FANCL: variants seen among roughly 807,000 people sequenced by gnomAD.
FANCL encodes the protein FA complementation group L, also known as E3 ubiquitin-protein ligase FANCL.
A neutral mutation model predicts 59.4 loss-of-function variants in FANCL; 69 were observed. That is an observed-to-expected ratio of 1.16 (90% CI 0.96 to 1.42). The LOEUF (loss-of-function observed/expected upper bound fraction) is 1.42, where lower values mean the gene tolerates loss of function less well. Ranked by LOEUF, FANCL falls within the 40% of genes most tolerant of loss-of-function variation. The pLI, the probability that FANCL is intolerant of heterozygous loss-of-function variation, is 0.00. For synonymous variants in FANCL, 180 were observed against 147.1 expected (o/e 1.22, Z -1.62); for missense variants, 519 against 447.2 (o/e 1.16, Z -1.45).
intron 1 of FANCL, among the ~76,000 whole-genome samples, chr2:58,234,681 A>C (rs1280907192): frequency 6.6e-6 from 1 of 152,094 alleles, no homozygotes; most frequent in Non-Finnish European, 1.5e-5. Context: ...AACTCTTGAG[A>C]TATATCTTAA....
At chr2:58,176,653 G>A (rs549271716) in intron 7 of FANCL, among the ~76,000 whole-genome samples, 12 of 152,142 alleles carry the variant, frequency 7.9e-5, no homozygotes, top group Non-Finnish European at 1.3e-4. Context: ...AGACTTAAAC[G>A]TTAGACCTAA....
At position 58,219,171 on chromosome 2, in the gene FANCL, AATATATATAT is replaced by A. The variant is rs869094167; in HGVS notation, c.374+2761_374+2770del. 4.1e-3 allele frequency among the ~76,000 whole-genome samples: 79 copies of A among 19,246 alleles called. 2 individuals carry two copies. Among genetic ancestry groups the A allele is most frequent in the African/African-American group, 0.016 (62 of 3,782 alleles). The allele number at this position is 19,246 out of a possible 152,430, so 12.6% of individuals were successfully genotyped here. ...AAAAAAAAAAAAAAAAAAAAAAAAA[AATATATATAT>A]ATATATATATATATATATATATATC... On this transcript the variant is annotated intron_variant, in intron 5 of 13. Transcript: ENST00000233741.
chr2:58,226,823 T>C, intron 3 of FANCL, 39 bp from the exon 4 acceptor site: 2 of 1,544,028 alleles, frequency 1.3e-6, no homozygotes, highest in South Asian at 1.1e-5. Context: ...ATTTGCACAA[T>C]AAATATTCTA....
intron 7 of FANCL, among the ~76,000 whole-genome samples, chr2:58,192,879 A>C (rs1428131709): frequency 6.6e-6 from 1 of 151,974 alleles, no homozygotes; most frequent in Non-Finnish European, 1.5e-5. Flanking sequence ...AACAACAAAA[A>C]ACCTTGCAAA....
intron 5 of FANCL, among the ~76,000 whole-genome samples, chr2:58,219,171 AATATATATATATATAT>A (rs869094167): frequency 8.3e-4 from 16 of 19,262 alleles, no homozygotes; most frequent in African/African-American, 3.4e-3. Flanking sequence ...AAAAAAAAAA[AATATATATATATATAT>A]ATATATATAT....
intron 4 of FANCL, among the ~76,000 whole-genome samples, chr2:58,224,508 T>G (rs1215680212): frequency 6.6e-6 from 1 of 151,816 alleles, no homozygotes; most frequent in East Asian, 1.9e-4. Flanking sequence ...ATCTCACACA[T>G]TTAATCAAAG....
Position 58,229,876 on chromosome 2 carries a change from T to G in FANCL, c.156-2A>C, listed in dbSNP as rs1377750437. 1 of 1,603,668 alleles carries G rather than the reference T, an allele frequency of 6.2e-7. No homozygotes were observed. Among genetic ancestry groups the G allele is most frequent in the South Asian group, 1.1e-5 (1 of 90,876 alleles). ...CTCAGCTGCCAACTACATAATAATC[T>G]AAAATTTTAATGAGACAAAATGGTT... On this transcript the variant is annotated splice_acceptor_variant, in intron 2 of 13. Coordinates refer to ENST00000233741, the MANE Select transcript of FANCL (RefSeq NM_018062.4). LOFTEE classifies it high-confidence loss of function.
intron 7 of FANCL, among the ~76,000 whole-genome samples, chr2:58,175,828 A>C (rs1297820761): frequency 1.3e-5 from 2 of 151,740 alleles, no homozygotes; most frequent in Non-Finnish European, 3.0e-5. Context: ...AATTAGGAAA[A>C]GAGGAAGTCA....
chr2:58,218,000 G>A (rs1399452378), intron 5 of FANCL, among the ~76,000 whole-genome samples: 1 of 151,962 alleles, frequency 6.6e-6, no homozygotes, highest in Non-Finnish European at 1.5e-5. Context: ...TTAAAAGGAT[G>A]ATTTCTGACA....
chr2:58,232,093 C>A lies in FANCL; in HGVS notation c.116G>T (p.Arg39Met), dbSNP rs762249762. ...TTGTAAATCTTCAGGCAACACTATC[C>A]TAAGGTGGAAGTCTCTTCCCTGTGG... is the stretch of plus-strand genomic sequence containing the variant. ...ISAQGRDFHL[R>M]IVLPEDLQLK... The change falls in exon 2 of 14, where the codon AGG becomes ATG. Residue 39 changes from arginine to methionine, a missense_variant. Arg to Met is a moderately conservative substitution (Grantham distance 91, BLOSUM62 -1). Coordinates refer to ENST00000233741, the MANE Select transcript of FANCL (RefSeq NM_018062.4). The A allele has an allele frequency of 6.2e-7, 1 of 1,613,260 alleles. No homozygotes were observed. Among genetic ancestry groups the A allele is most frequent in the Non-Finnish European group, 8.5e-7 (1 of 1,179,466 alleles).
rs771647174 is a variant in FANCL at position 58,221,904 on chromosome 2, A to G, written c.374+38T>C. ...AAATACATTAAGTTAAAATATATAA[A>G]ACAAAGGCATTTAAAACATATTTTA... On this transcript the variant is annotated intron_variant, in intron 5 of 13. Transcript: ENST00000233741. 21 of 1,402,440 alleles carry G rather than the reference A, an allele frequency of 1.5e-5. No homozygotes were observed. In the South Asian group the frequency reaches 2.5e-4, roughly 16 times the overall value. 86.9% of individuals were successfully genotyped at this position (1,402,440 alleles called of 1,614,324 possible).
chr2:58,198,568 T>G, intron 7 of FANCL, 26 bp downstream of exon 7: 1 of 1,597,308 alleles, frequency 6.3e-7, no homozygotes, highest in Non-Finnish European at 8.6e-7. Flanking sequence ...AAAACAAATT[T>G]AAGAATTTAC....
At chr2:58,163,098 T>G in intron 9 of FANCL, 24 bp from the exon 10 acceptor site, 1 of 1,566,662 alleles carries the variant, frequency 6.4e-7, no homozygotes, top group Non-Finnish European at 8.8e-7. Flanking sequence ...AAAAAAAATT[T>G]AATAATTGCA....
At chr2:58,237,401 T>G (rs1437991327) in intron 1 of FANCL, among the ~76,000 whole-genome samples, 1 of 152,000 alleles carries the variant, frequency 6.6e-6, no homozygotes, top group Non-Finnish European at 1.5e-5. Flanking sequence ...TAAAAGGCAT[T>G]TGGAACTGAA....
intron 7 of FANCL, among the ~76,000 whole-genome samples, chr2:58,195,502 G>C (rs1342150585): frequency 6.6e-6 from 1 of 151,964 alleles, no homozygotes; most frequent in African/African-American, 2.4e-5. Flanking sequence ...AACTATAGCA[G>C]AATATCTTTT....
chr2:58,227,910 AGAG>A (rs573225884), intron 3 of FANCL, among the ~76,000 whole-genome samples: 4 of 151,860 alleles, frequency 2.6e-5, no homozygotes, highest in African/African-American at 9.7e-5. Context: ...AAGAGAAAGA[AGAG>A]GAGGAGGAGG....
chr2:58,159,391 C>A lies in FANCL; in HGVS notation c.*374G>T. On this transcript the variant is annotated 3_prime_UTR_variant, in exon 14 of 14. Transcript: ENST00000233741. ...ACAGAAATATCAAGAGTCTCAAGAA[C>A]CTTTGAATGAAGTAAACAGTTTCCC... 6.2e-7 allele frequency: 1 copy of A among 1,612,940 alleles called. No individual in the cohort carries two copies. Among genetic ancestry groups the A allele is most frequent in the Non-Finnish European group, 8.5e-7 (1 of 1,179,524 alleles).
At chr2:58,168,837 C>A (rs1381977864) in intron 7 of FANCL, among the ~76,000 whole-genome samples, 2 of 152,114 alleles carry the variant, frequency 1.3e-5, no homozygotes, top group Non-Finnish European at 2.9e-5. Flanking sequence ...CACGAGGAAG[C>A]TGGAACTGGG....
chr2:58,229,274 A>G (rs1302524635), intron 3 of FANCL, among the ~76,000 whole-genome samples: 1 of 152,206 alleles, frequency 6.6e-6, no homozygotes, highest in Non-Finnish European at 1.5e-5. Context: ...TTGCTTCAGT[A>G]ACTGATTTTT....
Sources: allele counts gnomAD v4.1 joint callset (sites outside exome capture counted in the v4.1 genomes callset), GRCh38; gene constraint gnomAD v4.1.1; transcripts MANE v1.5; gene names NCBI Gene and HGNC (gene_info 2026-07-23, HGNC 2026-07-21).